Variants in AFG1L observed in about 807,000 individuals in gnomAD.
The protein encoded by AFG1L is AFG1-like ATPase.
AFG1L carries 53 observed loss-of-function variants against 62.2 expected under a neutral mutation model. The observed-to-expected ratio is 0.85, with a 90% CI of 0.68 to 1.07. The LOEUF (loss-of-function observed/expected upper bound fraction) is 1.07, where lower values mean the gene tolerates loss of function less well. Ranked by LOEUF, AFG1L falls within the 50% of genes least tolerant of loss-of-function variation. The probability of loss-of-function intolerance (pLI) is 0.00; values close to 1 mark genes in which losing one functional copy is unlikely to be tolerated. For synonymous variants in AFG1L, 228 were observed against 210.3 expected, an observed-to-expected ratio of 1.08 and a Z score of -0.73; for missense variants, 555 against 590.5, an observed-to-expected ratio of 0.94 and a Z score of 0.62.
chr6:108,322,601 C>A (rs908202884), intron 1 of AFG1L, among the ~76,000 whole-genome samples: 1 of 152,166 alleles, frequency 6.6e-6, no homozygotes, highest in Non-Finnish European at 1.5e-5. Context: ...TGGAAGACAG[C>A]CGTCCCTATC....
At chr6:108,441,128 GTTTTAA>G in intron 7 of AFG1L, among the ~76,000 whole-genome samples, 1 of 152,172 alleles carries the variant, frequency 6.6e-6, no homozygotes, top group African/African-American at 2.4e-5. Context: ...GTATGTTATA[GTTTTAA>G]AAGATTTTCT....
At chr6:108,309,974 A>G (rs1447360184) in intron 1 of AFG1L, among the ~76,000 whole-genome samples, 1 of 152,194 alleles carries the variant, frequency 6.6e-6, no homozygotes, top group Non-Finnish European at 1.5e-5. Flanking sequence ...GAGATAAAGA[A>G]CTTTATCATG....
chr6:108,359,162 A>T (rs920152300), intron 5 of AFG1L: 1 of 152,206 alleles, frequency 6.6e-6, no homozygotes, highest in Non-Finnish European at 1.5e-5. Context: ...GGCTTATGAA[A>T]GTAAAAGTTC....
chr6:108,349,320 C>G (rs4946916), intron 3 of AFG1L, among the ~76,000 whole-genome samples: 6,409 of 151,808 alleles, frequency 0.042, 215 homozygotes, highest in South Asian at 0.1. Flanking sequence ...CCTGTCTCCA[C>G]AAAAAATACA....
chr6:108,387,253 A>T (rs1255201824), intron 6 of AFG1L, among the ~76,000 whole-genome samples: 2 of 152,246 alleles, frequency 1.3e-5, no homozygotes, highest in East Asian at 3.8e-4. Context: ...TCTGAGGTGG[A>T]TGGGGAGTTC....
chr6:108,373,381 A>G (rs1459738669), intron 6 of AFG1L, among the ~76,000 whole-genome samples: 1 of 152,110 alleles, frequency 6.6e-6, no homozygotes, highest in Non-Finnish European at 1.5e-5. Context: ...CATTCTTTTT[A>G]TGGCTGTGTA....
chr6:108,402,249 G>T (rs972639929), intron 7 of AFG1L, among the ~76,000 whole-genome samples, 195 bp downstream of exon 7: 3 of 152,058 alleles, frequency 2.0e-5, no homozygotes, highest in African/African-American at 7.2e-5. Context: ...CGGATCACAA[G>T]GTCAGGAGTT....
rs565440851 is a variant in AFG1L, at chr6:108,489,646, A to T, written c.1062+12354A>T. 3.3e-5 allele frequency among the ~76,000 whole-genome samples: 5 copies of T among 152,308 alleles called. No individual in the cohort carries two copies. The South Asian group carries it at 1.0e-3, about 32-fold the overall frequency. On this transcript the variant is annotated intron_variant, in intron 10 of 12. Transcript: ENST00000368977. Reference sequence around the variant, plus strand: ...TACTTGAGAGATTGCACGAAACAAGATAAATAGAAGAGAAATCAGAGGATA... The same window carrying T: ...TACTTGAGAGATTGCACGAAACAAGTTAAATAGAAGAGAAATCAGAGGATA...
At chr6:108,396,512 G>A (rs777130249) in intron 6 of AFG1L, among the ~76,000 whole-genome samples, 1 of 151,628 alleles carries the variant, frequency 6.6e-6, no homozygotes, top group Non-Finnish European at 1.5e-5. Flanking sequence ...TTTTTTTGAG[G>A]CAGAGTCTCA....
At chr6:108,482,909 A>G (rs1314367952) in intron 10 of AFG1L, among the ~76,000 whole-genome samples, 1 of 151,948 alleles carries the variant, frequency 6.6e-6, no homozygotes, top group Non-Finnish European at 1.5e-5. Flanking sequence ...TTTTTGCCCT[A>G]AAGTTATTCT....
chr6:108,324,133 T>G, intron 2 of AFG1L, 85 bp downstream of exon 2: 1 of 918,736 alleles, frequency 1.1e-6, no homozygotes, highest in Non-Finnish European at 1.6e-6. Flanking sequence ...GACACAATCA[T>G]GAAACATCTT....
intron 2 of AFG1L, among the ~76,000 whole-genome samples, chr6:108,335,800 C>A (rs1778454429): frequency 6.6e-6 from 1 of 152,142 alleles, no homozygotes; most frequent in South Asian, 2.1e-4. Flanking sequence ...CATTTGTCTC[C>A]CAGTGGTGCA....
At chr6:108,480,557 G>A (rs897965366) in intron 10 of AFG1L, among the ~76,000 whole-genome samples, 1 of 152,046 alleles carries the variant, frequency 6.6e-6, no homozygotes, top group Non-Finnish European at 1.5e-5. Flanking sequence ...TAATCATTTG[G>A]GAGGCCGAGG....
At chr6:108,306,815 C>A (rs748102918) in intron 1 of AFG1L, among the ~76,000 whole-genome samples, 3 of 152,116 alleles carry the variant, frequency 2.0e-5, no homozygotes, top group Non-Finnish European at 4.4e-5. Flanking sequence ...GCCCCCATAT[C>A]ACAATATATT....
At chr6:108,501,539 G>A (rs750862286) in intron 10 of AFG1L, among the ~76,000 whole-genome samples, 21 of 152,328 alleles carry the variant, frequency 1.4e-4, no homozygotes, top group Non-Finnish European at 2.4e-4. Flanking sequence ...ACTGTCCAAT[G>A]CAGGCTGACA....
At chr6:108,456,472 GT>G (rs935968939) in intron 8 of AFG1L, among the ~76,000 whole-genome samples, 13 of 151,164 alleles carry the variant, frequency 8.6e-5, no homozygotes, top group Admixed American at 3.3e-4. Flanking sequence ...CTTGCTACTT[GT>G]TTTTTTTGTA....
chr6:108,432,636 C>T (rs1486363086), intron 7 of AFG1L, among the ~76,000 whole-genome samples: 1 of 152,178 alleles, frequency 6.6e-6, no homozygotes, highest in Non-Finnish European at 1.5e-5. Flanking sequence ...ACCCAAAATT[C>T]ATTTCACTCT....
At chr6:108,476,146 A>G (rs899471218) in intron 8 of AFG1L, among the ~76,000 whole-genome samples, 3 of 152,178 alleles carry the variant, frequency 2.0e-5, no homozygotes, top group Non-Finnish European at 2.9e-5. Flanking sequence ...AAAAGGCCAT[A>G]GCATCATCTC....
At chr6:108,316,783 T>C (rs992268391) in intron 1 of AFG1L, among the ~76,000 whole-genome samples, 45 of 152,134 alleles carry the variant, frequency 3.0e-4, no homozygotes, top group African/African-American at 7.5e-4. Context: ...CTGCCCGCCT[T>C]GGCCTCCCAA....
Sources: allele counts gnomAD v4.1 joint callset (sites outside exome capture counted in the v4.1 genomes callset), GRCh38; gene constraint gnomAD v4.1.1; transcripts MANE v1.5; gene names NCBI Gene and HGNC (gene_info 2026-07-23, HGNC 2026-07-21).